Variants in ACSM3 observed in about 807,000 individuals in gnomAD.
ACSM3 encodes acyl-CoA synthetase medium chain family member 3.
In ACSM3, 61 loss-of-function variants were observed where a neutral mutation model predicts 74.1. The observed-to-expected ratio is 0.82, with a 90% CI of 0.67 to 1.02. The LOEUF (loss-of-function observed/expected upper bound fraction) is 1.02, where lower values mean the gene tolerates loss of function less well. Ranked by LOEUF, ACSM3 falls within the 50% of genes least tolerant of loss-of-function variation. The pLI is 0.00. For synonymous variants in ACSM3, 213 were observed against 241.5 expected (o/e 0.88, Z 1.09); for missense variants, 660 against 697.0 (o/e 0.95, Z 0.60).
intron 1 of ACSM3, among the ~76,000 whole-genome samples, chr16:20,731,952 A>C (rs2079833096): frequency 6.6e-6 from 1 of 152,210 alleles, no homozygotes; most frequent in South Asian, 2.1e-4. Context: ...CTGAATCACT[A>C]CTAAGATTCT....
At chr16:20,701,466 G>A (rs539213609) in intron 1 of ACSM3, among the ~76,000 whole-genome samples, 15 of 152,268 alleles carry the variant, frequency 9.9e-5, no homozygotes, top group African/African-American at 3.6e-4. Context: ...GCTTTTCAAA[G>A]GGTGGCTGTT....
At chr16:20,739,738 T>C (rs2079901309) in intron 1 of ACSM3, among the ~76,000 whole-genome samples, 1 of 151,598 alleles carries the variant, frequency 6.6e-6, no homozygotes, top group East Asian at 2.0e-4. Flanking sequence ...GGAGAATCGC[T>C]TGAACCCAGA....
intron 1 of ACSM3, among the ~76,000 whole-genome samples, chr16:20,695,773 G>A (rs538002798): frequency 1.6e-4 from 24 of 152,068 alleles, no homozygotes; most frequent in Middle Eastern, 6.8e-3. Context: ...CTATGTCTGC[G>A]TCTATCTCTA....
At chr16:20,678,513 G>A (rs965141656) in intron 1 of ACSM3, among the ~76,000 whole-genome samples, 2 of 152,166 alleles carry the variant, frequency 1.3e-5, no homozygotes, top group African/African-American at 4.8e-5. Flanking sequence ...TGTGATGGGG[G>A]CTATCAGTAC....
chr16:20,706,517 G>A (rs1202647978), intron 1 of ACSM3, among the ~76,000 whole-genome samples: 3 of 152,296 alleles, frequency 2.0e-5, no homozygotes, highest in Non-Finnish European at 2.9e-5. Flanking sequence ...GGGGATTTAG[G>A]CAGGAGTTGT....
At chr16:20,760,014 G>T (rs953286119), upstream of ACSM3, among the ~76,000 whole-genome samples, 1 of 152,056 alleles carries the variant, frequency 6.6e-6, no homozygotes, top group Non-Finnish European at 1.5e-5. Context: ...AGGGGGTGGC[G>T]GGGACAGACA....
At chr16:20,752,631 G>A (rs1443330592) in intron 2 of ACSM3, among the ~76,000 whole-genome samples, 1 of 152,188 alleles carries the variant, frequency 6.6e-6, no homozygotes, top group African/African-American at 2.4e-5. Context: ...AAACTGGGTA[G>A]GGGTCGAGGG....
intron 12 of ACSM3, chr16:20,796,076 G>A (rs1052889157): frequency 3.4e-6 from 1 of 295,774 alleles, no homozygotes; most frequent in Non-Finnish European, 6.2e-6. Flanking sequence ...TCTGTGAACT[G>A]TTCCCTTCAA....
chr16:20,741,783 T>A (rs947489964), intron 1 of ACSM3: 3 of 1,549,166 alleles, frequency 1.9e-6, no homozygotes, highest in Non-Finnish European at 2.6e-6. Context: ...TCTCCGCTGC[T>A]GTTGGCGTCC....
chr16:20,766,437 T>C (rs1276545475), intron 1 of ACSM3, among the ~76,000 whole-genome samples: 1 of 152,102 alleles, frequency 6.6e-6, no homozygotes, highest in Non-Finnish European at 1.5e-5. Flanking sequence ...TGTTTGTGTA[T>C]ATTTCCTTGT....
At chr16:20,730,133 G>T (rs1205480418) in intron 1 of ACSM3, among the ~76,000 whole-genome samples, 1 of 152,172 alleles carries the variant, frequency 6.6e-6, no homozygotes, top group African/African-American at 2.4e-5. Flanking sequence ...TCTATCATTG[G>T]AGGTAGGGGT....
intron 1 of ACSM3, chr16:20,741,477 G>GCCGGGGGGGGGGGGGGGCCCCCCCCC: frequency 7.3e-7 from 1 of 1,378,122 alleles, no homozygotes; most frequent in Non-Finnish European, 9.6e-7. Flanking sequence ...AGGCCTGGCA[G>GCCGGGGGGGGGGGGGGGCCCCCCCCC]CCGGCCCGCC....
chr16:20,716,894 A>G (rs2079763792), intron 1 of ACSM3, among the ~76,000 whole-genome samples: 1 of 152,178 alleles, frequency 6.6e-6, no homozygotes, highest in Non-Finnish European at 1.5e-5. Flanking sequence ...GGAATCATGG[A>G]GCTATCTTTG....
In ACSM3 at chr16:20,776,003, C is replaced by G. The variant is rs749393119; in HGVS notation, c.384C>G (p.Pro128=). The G allele has an allele frequency of 8.1e-6, 13 of 1,614,156 alleles. No individual in the cohort carries two copies. In the African/African-American group the frequency reaches 1.7e-4, roughly 22 times the overall value. ...QRGDRVILIL[P]RVPEWWLANV... is the part of the protein sequence containing the mutation. Reference sequence around the variant, plus strand: ...GAGATCGGGTAATTCTGATTCTGCCCAGGGTCCCAGAGTGGTGGCTTGCAA... The same window carrying G: ...GAGATCGGGTAATTCTGATTCTGCCGAGGGTCCCAGAGTGGTGGCTTGCAA... Residue 128 remains proline (P), a synonymous_variant, in exon 3 of 14, where the codon CCC becomes CCG. Coordinates refer to ENST00000289416, the MANE Select transcript of ACSM3 (RefSeq NM_005622.4).
intron 1 of ACSM3, chr16:20,735,549 C>T (rs2079861970): frequency 6.7e-6 from 1 of 150,038 alleles, no homozygotes; most frequent in African/African-American, 2.5e-5. Context: ...TTTTTAATAA[C>T]GCAAAATGAC....
intron 1 of ACSM3, among the ~76,000 whole-genome samples, chr16:20,685,832 C>CAAAAAA (rs1469791653): frequency 1.4e-5 from 1 of 72,132 alleles, no homozygotes; most frequent in Non-Finnish European, 2.5e-5. Context: ...AAAAAAAAAA[C>CAAAAAA]AAACAAAAAA....
In ACSM3 at chr16:20,777,955, C is replaced by T. The variant is rs938863601; in HGVS notation, c.638+375C>T. On this transcript the variant is annotated intron_variant, in intron 4 of 13. Transcript: ENST00000289416. Reference sequence around the variant, plus strand: ...TCTGAAGGACCTCCTCAAAGCTGTTCCCAGCTAAAGCAAGAGGTCCTGGCC... The same window carrying T: ...TCTGAAGGACCTCCTCAAAGCTGTTTCCAGCTAAAGCAAGAGGTCCTGGCC... 2.0e-5 allele frequency among the ~76,000 whole-genome samples: 3 copies of T among 152,328 alleles called. No homozygotes were observed. The East Asian group carries it at 5.8e-4, about 29-fold the overall frequency.
At chr16:20,684,435 G>C (rs1387752132) in intron 1 of ACSM3, among the ~76,000 whole-genome samples, 1 of 152,218 alleles carries the variant, frequency 6.6e-6, no homozygotes, top group African/African-American at 2.4e-5. Context: ...TAACTGAAGA[G>C]GGAACAAACT....
rs564387566 is a variant in ACSM3 at position 20,729,425 on chromosome 16, G to A, written c.-189-20485G>A. On this transcript the variant is annotated intron_variant, in intron 1 of 3. Transcript: ENST00000561584. ...GGGGAGCTCTCCTACTGGAGGATGT[G>A]GTGGTCAAAGGCTTCTTTTCCTTTT... The A allele has an allele frequency of 7.0e-6, 6 of 860,718 alleles. No individual in the cohort carries two copies. In the East Asian group the frequency reaches 1.5e-4, roughly 22 times the overall value. The allele number at this position is 860,718 out of a possible 1,614,324, so 53.3% of individuals were successfully genotyped here.
Sources: allele counts gnomAD v4.1 joint callset (sites outside exome capture counted in the v4.1 genomes callset), GRCh38; gene constraint gnomAD v4.1.1; transcripts MANE v1.5; gene names NCBI Gene and HGNC (gene_info 2026-07-23, HGNC 2026-07-21).